NDUFAF2: variants seen among roughly 807,000 people sequenced by gnomAD.
The protein encoded by NDUFAF2 is NADH:ubiquinone oxidoreductase complex assembly factor 2.
In NDUFAF2, 13 loss-of-function variants were observed where a neutral mutation model predicts 22.8. The ratio of observed to expected loss-of-function variants is 0.57; its 90% CI spans 0.37 to 0.91. The LOEUF is 0.91. Among genes scored for constraint, NDUFAF2 ranks in the 40% least tolerant of loss-of-function variants. The probability of loss-of-function intolerance (pLI) is 0.01; values close to 1 mark genes in which losing one functional copy is unlikely to be tolerated. For synonymous variants in NDUFAF2, 53 were observed against 64.2 expected (o/e 0.83, Z 0.84); for missense variants, 162 against 195.2 (o/e 0.83, Z 1.01).
At chr5:61,135,762 C>T (rs1336016947) in intron 3 of NDUFAF2, among the ~76,000 whole-genome samples, 1 of 151,858 alleles carries the variant, frequency 6.6e-6, no homozygotes, top group Non-Finnish European at 1.5e-5. Context: ...ACCACCAAGG[C>T]TGTAATTAGC....
At chr5:60,952,891 A>G (rs1212466858) in intron 1 of NDUFAF2, among the ~76,000 whole-genome samples, 2 of 152,090 alleles carry the variant, frequency 1.3e-5, no homozygotes, top group East Asian at 1.9e-4. Flanking sequence ...TTACACATTT[A>G]TAATTGAAAG....
chr5:60,950,188 AT>A (rs199824529), intron 1 of NDUFAF2, among the ~76,000 whole-genome samples: 110 of 148,212 alleles, frequency 7.4e-4, no homozygotes, highest in Non-Finnish European at 1.1e-3. Context: ...TTAATCTTTC[AT>A]TTTTTTTTTC....
At chr5:61,084,692 A>G (rs1752485472) in intron 2 of NDUFAF2, among the ~76,000 whole-genome samples, 1 of 152,222 alleles carries the variant, frequency 6.6e-6, no homozygotes, top group South Asian at 2.1e-4. Context: ...TCCATTGTAT[A>G]TAGATACCAC....
intron 1 of NDUFAF2, among the ~76,000 whole-genome samples, chr5:61,012,370 T>C (rs1451424260): frequency 6.6e-6 from 1 of 152,130 alleles, no homozygotes; most frequent in Non-Finnish European, 1.5e-5. Flanking sequence ...TAAATGAATT[T>C]TGTTGTTTCT....
At chr5:60,951,965 G>A (rs1251130673) in intron 1 of NDUFAF2, among the ~76,000 whole-genome samples, 2 of 150,992 alleles carry the variant, frequency 1.3e-5, no homozygotes, top group Non-Finnish European at 3.0e-5. Context: ...TTTATCTTTT[G>A]AGTAGTTTGC....
chr5:60,954,056 G>C (rs1750582283), intron 1 of NDUFAF2, among the ~76,000 whole-genome samples: 2 of 152,122 alleles, frequency 1.3e-5, no homozygotes, highest in African/African-American at 4.8e-5. Context: ...CTGGAAGATT[G>C]TGGTGCTTTT....
chr5:61,132,148 G>A (rs1753120046), intron 3 of NDUFAF2, among the ~76,000 whole-genome samples: 1 of 152,104 alleles, frequency 6.6e-6, no homozygotes, highest in African/African-American at 2.4e-5. Context: ...TGTGTGATTT[G>A]TCTATTTATA....
chr5:61,065,662 T>A (rs1752217522), intron 1 of NDUFAF2, among the ~76,000 whole-genome samples: 1 of 152,130 alleles, frequency 6.6e-6, no homozygotes. Flanking sequence ...TGTTAAAAAT[T>A]CTCAACAGTT....
intron 3 of NDUFAF2, among the ~76,000 whole-genome samples, chr5:61,137,844 C>T (rs930862885): frequency 3.3e-5 from 5 of 152,178 alleles, no homozygotes; most frequent in African/African-American, 1.2e-4. Context: ...AGGACAAAGT[C>T]GAAATGTGAT....
intron 1 of NDUFAF2, among the ~76,000 whole-genome samples, chr5:61,069,141 T>C (rs1377568359): frequency 2.0e-5 from 3 of 151,968 alleles, no homozygotes; most frequent in African/African-American, 7.2e-5. Context: ...TTTTTTTTTT[T>C]TTCCTGACTC....
chr5:61,142,000 TTC>T (rs375908294), intron 3 of NDUFAF2, among the ~76,000 whole-genome samples: 1 of 152,140 alleles, frequency 6.6e-6, no homozygotes, highest in Non-Finnish European at 1.5e-5. Context: ...TGCCATTTCT[TTC>T]TCTCTCTCTG....
At chr5:61,114,215 T>G (rs985007466) in intron 3 of NDUFAF2, among the ~76,000 whole-genome samples, 2 of 152,146 alleles carry the variant, frequency 1.3e-5, no homozygotes, top group African/African-American at 4.8e-5. Context: ...TCCTTGTTTT[T>G]TATTCTTTTT....
At chr5:60,960,347 TATA>T (rs897031034) in intron 1 of NDUFAF2, among the ~76,000 whole-genome samples, 1 of 152,180 alleles carries the variant, frequency 6.6e-6, no homozygotes, top group African/African-American at 2.4e-5. Flanking sequence ...TGTTGAAGAA[TATA>T]ATAAATGAGG....
intron 1 of NDUFAF2, among the ~76,000 whole-genome samples, chr5:61,039,806 G>C (rs1751848822): frequency 6.6e-6 from 1 of 152,098 alleles, no homozygotes; most frequent in Non-Finnish European, 1.5e-5. Flanking sequence ...TAATTCTGAT[G>C]AGGTATGCTG....
At chr5:60,955,065 G>T (rs1750597892) in intron 1 of NDUFAF2, among the ~76,000 whole-genome samples, 1 of 152,046 alleles carries the variant, frequency 6.6e-6, no homozygotes, top group Admixed American at 6.6e-5. Context: ...GAAGTATTTT[G>T]GTTTGACGTA....
At chr5:61,103,171 G>A (rs146350107) in intron 3 of NDUFAF2, among the ~76,000 whole-genome samples, 108 of 152,120 alleles carry the variant, frequency 7.1e-4, no homozygotes, top group African/African-American at 2.6e-3. Flanking sequence ...TAACACCTTG[G>A]CATACTATGC....
In NDUFAF2 at chr5:61,136,005, T is replaced by TTATATATATA. The variant is rs57756292; in HGVS notation, c.259-16671_259-16662dup. 5.7e-3 allele frequency among the ~76,000 whole-genome samples: 550 copies of TTATATATATA among 95,782 alleles called. 19 individuals carry two copies. The highest frequency in any genetic ancestry group is 6.6e-3 in the Non-Finnish European group (326 of 49,670). The allele number at this position is 95,782 out of a possible 152,430, so 62.8% of individuals were successfully genotyped here. A position where few individuals can be genotyped will look rare whatever the true frequency, so the allele number is the denominator to read the frequency against. ...TTGGTCCCTACATCTAAGCCTGTCT[T>TTATATATATA]TATATATATATATATATATATATAT... On this transcript the variant is annotated intron_variant, in intron 3 of 3. Transcript: ENST00000296597.
chr5:61,059,947 G>A (rs540259178), intron 1 of NDUFAF2, among the ~76,000 whole-genome samples: 1 of 152,122 alleles, frequency 6.6e-6, no homozygotes, highest in South Asian at 2.1e-4. Context: ...TTTTAATTGG[G>A]TATCTGTAAT....
intron 1 of NDUFAF2, among the ~76,000 whole-genome samples, chr5:60,982,827 C>T (rs1448220016): frequency 1.3e-5 from 2 of 152,080 alleles, no homozygotes; most frequent in Non-Finnish European, 2.9e-5. Flanking sequence ...GGTCCCAAGT[C>T]TTTGCTATTG....
Sources: gnomAD v4.1 joint callset for allele counts (sites outside exome capture counted in the v4.1 genomes callset) on GRCh38, gnomAD v4.1.1 for gene constraint, MANE v1.5 for transcripts, NCBI Gene and HGNC (gene_info 2026-07-23, HGNC 2026-07-21) for gene names.